KDM3B: variants seen among roughly 807,000 people sequenced by gnomAD.
KDM3B encodes lysine-specific demethylase 3B.
KDM3B carries 10 observed loss-of-function variants against 170.0 expected under a neutral mutation model. The observed-to-expected ratio is 0.06, with a 90% confidence interval of 0.04 to 0.10. KDM3B has a LOEUF of 0.10. KDM3B is among the 10% of genes least tolerant of loss of function. KDM3B has a pLI of 1.00. For synonymous variants in KDM3B, 831 were observed against 834.8 expected (o/e 1.00, Z 0.08); for missense variants, 1,394 against 2,195.2 (o/e 0.64, Z 7.29).
chr5:138,428,182 T>C (rs1045720787), intron 20 of KDM3B, 96 bp downstream of exon 20: 1 of 1,235,876 alleles, frequency 8.1e-7, no homozygotes. Context: ...GCTTTTCCTT[T>C]TTTTTTTCTT....
intron 11 of KDM3B, among the ~76,000 whole-genome samples, chr5:138,412,775 C>A (rs1455520755): frequency 6.6e-6 from 1 of 152,152 alleles, no homozygotes; most frequent in Non-Finnish European, 1.5e-5. Context: ...CCAGCCTGGG[C>A]AAACAAGCCC....
chr5:138,417,694 C>T, intron 13 of KDM3B, 84 bp downstream of exon 13: 2 of 1,401,758 alleles, frequency 1.4e-6, no homozygotes, highest in Non-Finnish European at 2.0e-6. Context: ...TCTGTTATGC[C>T]AGGCTACTGT....
chr5:138,370,629 A>G (rs530552232), intron 1 of KDM3B, among the ~76,000 whole-genome samples: 25 of 152,272 alleles, frequency 1.6e-4, no homozygotes, highest in African/African-American at 4.1e-4. Flanking sequence ...CATGTATTTG[A>G]AAAATCATAG....
intron 16 of KDM3B, 28 bp downstream of exon 16, chr5:138,424,369 C>T (rs1286704158): frequency 1.2e-6 from 2 of 1,600,270 alleles, no homozygotes; most frequent in African/African-American, 1.3e-5. Context: ...GTTCCAAGGG[C>T]CAATTCTCTG....
At chr5:138,372,241 C>T (rs1761893695) in intron 1 of KDM3B, among the ~76,000 whole-genome samples, 1 of 152,202 alleles carries the variant, frequency 6.6e-6, no homozygotes, top group Admixed American at 6.5e-5. Flanking sequence ...AGTTCACAGT[C>T]ATTTCAATAG....
chr5:138,415,166 C>T lies in KDM3B; in HGVS notation c.3234C>T (p.Ser1078=). 6.2e-7 allele frequency: 1 copy of T among 1,608,718 alleles called. No individual in the cohort carries two copies. The highest frequency in any genetic ancestry group is 8.5e-7 in the Non-Finnish European group (1 of 1,176,248). The part of the protein sequence containing the change: ...TEEMGDEEVF[S]WLKCAKGQSH... ...AGATGGGTGATGAAGAAGTTTTCTC[C>T]TGGTTGAAGTGTGCAAAGGGACAGT... Residue 1078 remains serine, a synonymous_variant, in exon 12 of 24, where the codon TCC becomes TCT. Coordinates refer to ENST00000314358, the MANE Select transcript of KDM3B (RefSeq NM_016604.4).
rs200395853 is a variant in KDM3B at position 138,420,971 on chromosome 5, C to G, written c.3972+9C>G. 1.3e-4 allele frequency: 204 copies of G among 1,613,514 alleles called. No homozygotes were observed. Among genetic ancestry groups the G allele is most frequent in the Non-Finnish European group, 1.4e-4 (164 of 1,179,682 alleles). The stretch of plus-strand genomic sequence containing the variant: ...TCTCTACATCCTCAGCAGTAAGTGT[C>G]CTCTGCAACTGTAGCCTTTTCAGCT... On this transcript the variant is annotated intron_variant, in intron 15 of 23. Transcript: ENST00000314358.
intron 1 of KDM3B, among the ~76,000 whole-genome samples, chr5:138,355,178 T>G (rs1342889247): frequency 6.6e-6 from 1 of 152,198 alleles, no homozygotes; most frequent in Non-Finnish European, 1.5e-5. Flanking sequence ...TTTCATTCAG[T>G]TATGTTTAAG....
At chr5:138,363,421 A>C (rs1255858475) in intron 1 of KDM3B, among the ~76,000 whole-genome samples, 2 of 152,214 alleles carry the variant, frequency 1.3e-5, no homozygotes, top group Non-Finnish European at 2.9e-5. Flanking sequence ...AATCCAAGGT[A>C]CACTGGCCCT....
At chr5:138,413,327 G>T (rs1561787101) in intron 11 of KDM3B, among the ~76,000 whole-genome samples, 1 of 147,924 alleles carries the variant, frequency 6.8e-6, no homozygotes, top group Non-Finnish European at 1.5e-5. Flanking sequence ...AGGTTGCAGT[G>T]AGCCGAGATC....
intron 11 of KDM3B, among the ~76,000 whole-genome samples, chr5:138,404,772 G>A (rs1215433324): frequency 7.2e-5 from 11 of 151,928 alleles, no homozygotes; most frequent in Admixed American, 5.2e-4. Context: ...CTCCCAGGCT[G>A]AAGTGCAGGG....
intron 11 of KDM3B, among the ~76,000 whole-genome samples, chr5:138,409,076 A>C (rs1762897027): frequency 6.6e-6 from 1 of 152,236 alleles, no homozygotes; most frequent in South Asian, 2.1e-4. Context: ...TATAAGTAGA[A>C]TATCATATAA....
intron 23 of KDM3B, among the ~76,000 whole-genome samples, chr5:138,435,243 C>G (rs1038052180): frequency 6.6e-6 from 1 of 152,158 alleles, no homozygotes; most frequent in Non-Finnish European, 1.5e-5. Context: ...AAACAAAGTT[C>G]TCCAGGTGTT....
At chr5:138,360,358 T>C (rs544072170) in intron 1 of KDM3B, among the ~76,000 whole-genome samples, 1 of 152,322 alleles carries the variant, frequency 6.6e-6, no homozygotes, top group Admixed American at 6.5e-5. Context: ...GACATTGTAC[T>C]TTTTGACATT....
In KDM3B at chr5:138,419,061, G is replaced by A. The variant is rs768304416; in HGVS notation, c.3544G>A (p.Asp1182Asn). The A allele has an allele frequency of 1.5e-5, 24 of 1,614,018 alleles. No individual in the cohort carries two copies. Among genetic ancestry groups the A allele is most frequent in the Admixed American group, 5.0e-5 (3 of 59,996 alleles). Residue 1182 changes from aspartate (D) to asparagine (N), a missense_variant, in exon 14 of 24, where the codon GAC becomes AAC. Asp to Asn is a conservative substitution (Grantham distance 23). Transcript: ENST00000314358. ...AGAGCCGGACCATGTTCCCAAAGCC[G>A]ACAGCACTGACATCAGATCTGAAGA... ...TPEPDHVPKA[D>N]STDIRSEEPL...
At chr5:138,388,384 G>A (rs1382029425) in intron 7 of KDM3B, among the ~76,000 whole-genome samples, 1 of 152,032 alleles carries the variant, frequency 6.6e-6, no homozygotes, top group Non-Finnish European at 1.5e-5. Context: ...TGTAATCCTA[G>A]CACTTTGGGA....
intron 2 of KDM3B, 45 bp downstream of exon 2, chr5:138,372,886 T>A: frequency 6.5e-7 from 1 of 1,538,204 alleles, no homozygotes; most frequent in Non-Finnish European, 8.9e-7. Flanking sequence ...GCTTTACTCC[T>A]ATAATATAAC....
In KDM3B at chr5:138,386,484, C is replaced by G; in HGVS notation, c.1243C>G (p.Gln415Glu). The change falls in exon 7 of 24, where the codon CAG becomes GAG. Residue 415 changes from glutamine to glutamate, a missense_variant. Transcript: ENST00000314358. ...EAGKTLEQVG[Q>E]GIVASAAVVT... ...AGGAAAAACACTGGAACAAGTTGGC[C>G]AGGGCATAGTGGCTTCCGCAGCTGT... The G allele has an allele frequency of 6.2e-7, 1 of 1,614,134 alleles. No individual in the cohort carries two copies. Among genetic ancestry groups the G allele is most frequent in the Non-Finnish European group, 8.5e-7 (1 of 1,180,026 alleles).
chr5:138,435,788 A>T lies in KDM3B; in HGVS notation c.*88A>T, dbSNP rs1384609183. The T allele has an allele frequency of 9.6e-7, 1 of 1,037,632 alleles. No homozygotes were observed. Among genetic ancestry groups the T allele is most frequent in the Non-Finnish European group, 1.5e-6 (1 of 684,922 alleles). The allele number at this position is 1,037,632 out of a possible 1,614,324, so 64.3% of individuals were successfully genotyped here. On this transcript the variant is annotated 3_prime_UTR_variant, in exon 24 of 24. Coordinates refer to ENST00000314358, the MANE Select transcript of KDM3B (RefSeq NM_016604.4). The stretch of plus-strand genomic sequence containing the variant: ...ACGGCAGGGCTCTTTGCTGGAGCAG[A>T]GGCCCTTCACCCAGAGCCAGTGTGG...
Sources: gnomAD v4.1 joint callset for allele counts (sites outside exome capture counted in the v4.1 genomes callset) on GRCh38, gnomAD v4.1.1 for gene constraint, MANE v1.5 for transcripts, NCBI Gene and HGNC (gene_info 2026-07-23, HGNC 2026-07-21) for gene names.